Variants in TMEM196 observed in about 807,000 individuals in gnomAD.
TMEM196 encodes the protein transmembrane protein 196.
Under a neutral mutation model 20.0 loss-of-function variants are expected in TMEM196, and 17 were observed. The ratio of observed to expected loss-of-function variants is 0.85; its 90% CI spans 0.58 to 1.27. The LOEUF is 1.27. TMEM196 is among the 50% of genes most tolerant of loss of function. TMEM196 has a pLI of 0.00. For synonymous variants in TMEM196, 113 were observed against 88.9 expected, an observed-to-expected ratio of 1.27 and a Z score of -1.52; for missense variants, 267 against 223.0, an observed-to-expected ratio of 1.20 and a Z score of -1.26.
At chr7:19,742,817 A>T (rs748972666) in intron 1 of TMEM196, among the ~76,000 whole-genome samples, 4 of 152,262 alleles carry the variant, frequency 2.6e-5, no homozygotes, top group South Asian at 4.1e-4. Context: ...CTCATGTAAG[A>T]GTCCTGAAGG....
chr7:19,730,238 G>A (rs1401116175), intron 1 of TMEM196, among the ~76,000 whole-genome samples: 4 of 149,676 alleles, frequency 2.7e-5, no homozygotes, highest in South Asian at 2.1e-4. Flanking sequence ...CCTGGGTGAC[G>A]GAGCAAGACT....
chr7:19,739,708 T>A (rs1279059631), intron 1 of TMEM196, among the ~76,000 whole-genome samples: 2 of 152,156 alleles, frequency 1.3e-5, no homozygotes, highest in African/African-American at 4.8e-5. Flanking sequence ...AACAGATACT[T>A]CCCTGAAATA....
chr7:19,729,506 A>G, intron 1 of TMEM196, 68 bp from the exon 2 acceptor site: 2 of 1,413,172 alleles, frequency 1.4e-6, no homozygotes, highest in African/African-American at 1.4e-5. Context: ...TTTAGCTTGT[A>G]GTTCACTCAT....
chr7:19,745,063 C>G (rs1316504742), intron 1 of TMEM196, among the ~76,000 whole-genome samples: 1 of 152,052 alleles, frequency 6.6e-6, no homozygotes, highest in Non-Finnish European at 1.5e-5. Context: ...ATGCACAAGT[C>G]CCTTATGTAA....
chr7:19,736,130 C>A (rs763823227), intron 1 of TMEM196, among the ~76,000 whole-genome samples: 4 of 151,800 alleles, frequency 2.6e-5, no homozygotes, highest in Non-Finnish European at 5.9e-5. Context: ...TAGTTTTACT[C>A]TACTTCACTC....
intron 1 of TMEM196, among the ~76,000 whole-genome samples, chr7:19,766,810 GATTA>G (rs1428160342): frequency 1.3e-5 from 2 of 151,910 alleles, no homozygotes; most frequent in Admixed American, 1.3e-4. Flanking sequence ...CTACCAATAT[GATTA>G]ATTGTTGCAT....
chr7:19,725,944 T>C (rs1783986045), intron 2 of TMEM196, among the ~76,000 whole-genome samples, 176 bp from the exon 3 acceptor site: 1 of 152,114 alleles, frequency 6.6e-6, no homozygotes, highest in African/African-American at 2.4e-5. Flanking sequence ...TTGCCAAGTT[T>C]CTATTCACTC....
At chr7:19,757,536 CAGTCA>C (rs1785269034) in intron 1 of TMEM196, among the ~76,000 whole-genome samples, 5 of 151,812 alleles carry the variant, frequency 3.3e-5, no homozygotes, top group African/African-American at 1.2e-4. Context: ...CCATGATGCC[CAGTCA>C]ATGCTTTCAT....
At chr7:19,724,520 G>A (rs1157759966) in intron 3 of TMEM196, among the ~76,000 whole-genome samples, 167 bp from the exon 4 acceptor site, 1 of 152,100 alleles carries the variant, frequency 6.6e-6, no homozygotes, top group Admixed American at 6.6e-5. Flanking sequence ...GTCTTGCTAT[G>A]TATATTATTA....
In TMEM196 at chr7:19,723,597, A is replaced by C. The variant is rs187397479; in HGVS notation, c.533+683T>G. 5.3e-5 allele frequency among the ~76,000 whole-genome samples: 8 copies of C among 152,274 alleles called. No individual in the cohort carries two copies. In the East Asian group the frequency reaches 1.3e-3, roughly 26 times the overall value. ...GAGTGAGTCTCCAGTTTGCAAAAAA[A>C]TTTGCAAATAGGCATGCTTAATTTA... On this transcript the variant is annotated intron_variant, in intron 4 of 4. Coordinates refer to ENST00000405844, the MANE Select transcript of TMEM196 (RefSeq NM_001363562.2).
intron 2 of TMEM196, among the ~76,000 whole-genome samples, chr7:19,728,555 C>T (rs915929761): frequency 7.2e-5 from 11 of 152,096 alleles, no homozygotes; most frequent in Admixed American, 1.3e-4. Flanking sequence ...GCAATGCTTC[C>T]CATTCCCTGA....
chr7:19,751,215 A>G (rs1784948548), intron 1 of TMEM196, among the ~76,000 whole-genome samples: 1 of 152,218 alleles, frequency 6.6e-6, no homozygotes, highest in Non-Finnish European at 1.5e-5. Flanking sequence ...GAATGCAACT[A>G]TACAGGGGAG....
chr7:19,750,177 T>G (rs1019339835), intron 1 of TMEM196, among the ~76,000 whole-genome samples: 1 of 152,154 alleles, frequency 6.6e-6, no homozygotes, highest in African/African-American at 2.4e-5. Context: ...TTCTCTCTCT[T>G]TAAGAGTCAG....
At chr7:19,763,780 T>A (rs1054218937) in intron 1 of TMEM196, among the ~76,000 whole-genome samples, 4 of 152,124 alleles carry the variant, frequency 2.6e-5, no homozygotes, top group Non-Finnish European at 5.9e-5. Context: ...TCAGACATGG[T>A]TTTTCAATAT....
chr7:19,760,698 A>G (rs1785402406), intron 1 of TMEM196, among the ~76,000 whole-genome samples: 1 of 152,088 alleles, frequency 6.6e-6, no homozygotes, highest in South Asian at 2.1e-4. Context: ...TTTAATTTTA[A>G]TTTGTGTATT....
Position 19,724,300 on chromosome 7 carries a change from C to T in TMEM196, c.513G>A (p.Pro171=), listed in dbSNP as rs770025109. ...TDLPSCPVVP[P]TPELPTRK ...CGTACCTTGTAGGTAACTCTGGTGT[C>T]GGGGGCACCACCGGGCAGCTGGGCA... Residue 171 remains proline, a synonymous_variant, in exon 4 of 5, where the codon CCG becomes CCA. Transcript: ENST00000405844. 460 of 1,550,108 alleles carry T rather than the reference C, an allele frequency of 3.0e-4. No individual in the cohort carries two copies. The highest frequency in any genetic ancestry group is 3.6e-4 in the Non-Finnish European group (417 of 1,146,840).
chr7:19,736,623 T>C (rs943382420), intron 1 of TMEM196, among the ~76,000 whole-genome samples: 2 of 151,642 alleles, frequency 1.3e-5, no homozygotes, highest in African/African-American at 4.8e-5. Context: ...GGGAATCACA[T>C]GCAGTGTTTT....
rs748637554 is a variant in TMEM196 at position 19,729,573 on chromosome 7, A to G, written c.148-135T>C. On this transcript the variant is annotated intron_variant, in intron 1 of 4. Coordinates refer to ENST00000405844, the MANE Select transcript of TMEM196 (RefSeq NM_001363562.2). Reference sequence around the variant, plus strand: ...AAATTTCCTTCAAAACCTGGAGAGGATAAGATCTCATTCTAGAATAGTAAA... The same window carrying G: ...AAATTTCCTTCAAAACCTGGAGAGGGTAAGATCTCATTCTAGAATAGTAAA... The G allele has an allele frequency of 5.7e-5, 43 of 749,228 alleles. No homozygotes were observed. In the Middle Eastern group the frequency reaches 7.2e-4, roughly 13 times the overall value. 46.4% of individuals were successfully genotyped at this position (749,228 alleles called of 1,614,324 possible).
chr7:19,766,879 A>G (rs1785653325), intron 1 of TMEM196, among the ~76,000 whole-genome samples: 1 of 152,122 alleles, frequency 6.6e-6, no homozygotes, highest in South Asian at 2.1e-4. Context: ...TTCAAAGTAC[A>G]CATTGGATAA....
Sources: allele counts gnomAD v4.1 joint callset (sites outside exome capture counted in the v4.1 genomes callset), GRCh38; gene constraint gnomAD v4.1.1; transcripts MANE v1.5; gene names NCBI Gene and HGNC (gene_info 2026-07-23, HGNC 2026-07-21).